ZNF100: variants seen among roughly 807,000 people sequenced by gnomAD.
ZNF100 encodes the protein zinc finger protein 100.
In ZNF100, 12 loss-of-function variants were observed where a neutral mutation model predicts 15.8. The observed-to-expected ratio is 0.76, with a 90% CI of 0.49 to 1.23. The LOEUF (loss-of-function observed/expected upper bound fraction) is 1.23. ZNF100 is among the 50% of genes most tolerant of loss of function. The pLI is 0.00. For missense variants in ZNF100, 670 were observed against 635.6 expected, an observed-to-expected ratio of 1.05 and a Z score of -0.58; for synonymous variants, 226 against 214.8, an observed-to-expected ratio of 1.05 and a Z score of -0.45.
At chr19:21,749,481 T>C (rs1402663382) in intron 2 of ZNF100, among the ~76,000 whole-genome samples, 1 of 152,228 alleles carries the variant, frequency 6.6e-6, no homozygotes, top group African/African-American at 2.4e-5. Flanking sequence ...GAGAGATTCA[T>C]GCTGATTCTA....
chr19:21,763,299 GA>G (rs71178765), intron 2 of ZNF100, among the ~76,000 whole-genome samples: 3 of 151,622 alleles, frequency 2.0e-5, no homozygotes, highest in African/African-American at 7.3e-5. Flanking sequence ...TTTTTCTCAT[GA>G]AAAAAAATTG....
chr19:21,727,717 G>A lies in ZNF100; in HGVS notation c.595C>T (p.His199Tyr). The change falls in exon 5 of 5, where the codon CAT becomes TAT. Residue 199 changes from histidine (H) to tyrosine (Y), a missense_variant. By Grantham distance (83) the His-to-Tyr change is moderately conservative (BLOSUM62 2). Transcript: ENST00000358296. ...CATTTGAAAGGTTTCTTTCTAGTATGTCTTATCTTATGTCTGTTTGAATTT... is the reference window on the plus strand; with the variant it reads ...CATTTGAAAGGTTTCTTTCTAGTATATCTTATCTTATGTCTGTTTGAATTT... The part of the protein sequence containing the change: ...FSNSNRHKIR[H>Y]TRKKPFKCKK... The A allele has an allele frequency of 6.2e-7, 1 of 1,613,768 alleles. No individual in the cohort carries two copies. The highest frequency in any genetic ancestry group is 1.1e-5 in the South Asian group (1 of 91,044).
chr19:21,728,840 T>G (rs1390793066), intron 4 of ZNF100, among the ~76,000 whole-genome samples: 1 of 151,594 alleles, frequency 6.6e-6, no homozygotes, highest in South Asian at 2.1e-4. Flanking sequence ...TGAAAATAAA[T>G]TGAATAATAC....
chr19:21,742,648 A>C (rs1230847776), intron 4 of ZNF100, among the ~76,000 whole-genome samples: 1 of 152,110 alleles, frequency 6.6e-6, no homozygotes, highest in African/African-American at 2.4e-5. Context: ...TGAGTCAAAA[A>C]CATTTTTAAA....
chr19:21,746,445 G>A (rs982345234), intron 2 of ZNF100, among the ~76,000 whole-genome samples: 1 of 151,950 alleles, frequency 6.6e-6, no homozygotes, highest in African/African-American at 2.4e-5. Flanking sequence ...TAGAGCTAAT[G>A]GAGAACACAG....
chr19:21,728,157 CATCTGAAAAAAATT>C, intron 4 of ZNF100, among the ~76,000 whole-genome samples, 168 bp from the exon 5 acceptor site: 1 of 149,644 alleles, frequency 6.7e-6, no homozygotes, highest in Middle Eastern at 3.5e-3. Flanking sequence ...AACCAAATTA[CATCTGAAAAAAATT>C]ATAAATGAGT....
At position 21,727,155 on chromosome 19, in the gene ZNF100, G is replaced by A; in HGVS notation, c.1157C>T (p.Ser386Leu). 5 of 1,611,926 alleles carry A rather than the reference G, an allele frequency of 3.1e-6. No homozygotes were observed. In the African/African-American group the frequency reaches 6.7e-5, roughly 22 times the overall value. ...ACTTGTCTTATGTTTAGTAAGGTATGAGAATCGGTAAAAAGCTTTGCCACA... is the reference window on the plus strand; with the variant it reads ...ACTTGTCTTATGTTTAGTAAGGTATAAGAATCGGTAAAAAGCTTTGCCACA... ...EECGKAFYRFSYLTKHKTSHT... is the reference protein window; with the variant it reads ...EECGKAFYRFLYLTKHKTSHT... The change falls in exon 5 of 5, where the codon TCA (serine) becomes TTA (leucine). Residue 386 changes from serine (S) to leucine (L), a missense_variant. By Grantham distance (145) the Ser-to-Leu change is moderately radical. Coordinates refer to ENST00000358296, the MANE Select transcript of ZNF100 (RefSeq NM_173531.4).
chr19:21,735,500 CAAAAAAAAAAAAA>C (rs35742501), intron 4 of ZNF100, among the ~76,000 whole-genome samples: 1 of 82,224 alleles, frequency 1.2e-5, no homozygotes, highest in South Asian at 4.2e-4. Context: ...GACTCTGTCT[CAAAAAAAAAAAAA>C]AAAAAAAAGG....
At chr19:21,755,053 C>T (rs2145735590) in intron 2 of ZNF100, among the ~76,000 whole-genome samples, 1 of 152,330 alleles carries the variant, frequency 6.6e-6, no homozygotes, top group African/African-American at 2.4e-5. Context: ...GAGCTCACGC[C>T]TGTAATCCCA....
intron 4 of ZNF100, among the ~76,000 whole-genome samples, chr19:21,738,589 T>C (rs541073378): frequency 6.6e-6 from 1 of 152,086 alleles, no homozygotes; most frequent in Non-Finnish European, 1.5e-5. Context: ...AATAAATGGT[T>C]CTGGGAGAAC....
intron 2 of ZNF100, chr19:21,751,819 A>G: frequency 1.0e-6 from 1 of 1,002,910 alleles, no homozygotes; most frequent in Non-Finnish European, 1.5e-6. Context: ...CTATTTCTAG[A>G]TTATGTGAAG....
At chr19:21,758,867 A>T (rs1170426504) in intron 2 of ZNF100, among the ~76,000 whole-genome samples, 1 of 152,158 alleles carries the variant, frequency 6.6e-6, no homozygotes, top group African/African-American at 2.4e-5. Context: ...GAATCACACG[A>T]CAATGAAAGG....
At chr19:21,752,437 T>C (rs1401759051) in intron 2 of ZNF100, 1 of 152,664 alleles carries the variant, frequency 6.6e-6, no homozygotes, top group Non-Finnish European at 1.5e-5. Context: ...CTCCCTACTG[T>C]TACCATTAAA....
chr19:21,749,106 A>C (rs1279203490), intron 2 of ZNF100, among the ~76,000 whole-genome samples: 2 of 152,200 alleles, frequency 1.3e-5, no homozygotes, highest in East Asian at 3.9e-4. Flanking sequence ...TCTAGAGCAA[A>C]AGTTTCTGGA....
rs761719206 is a variant in ZNF100, at chr19:21,727,093, C to G, written c.1219G>C (p.Gly407Arg). ...GEKFYKCEEC[G>R]KGFNWSSALT... ...GCTGAGGACCAGTTAAAGCCTTTGC[C>G]GCATTCTTCACATTTGTAGAATTTC... The change falls in exon 5 of 5, where the codon GGC becomes CGC. Residue 407 changes from glycine to arginine, a missense_variant. Coordinates refer to ENST00000358296, the MANE Select transcript of ZNF100 (RefSeq NM_173531.4). 18 of 1,613,290 alleles carry G rather than the reference C, an allele frequency of 1.1e-5. No individual in the cohort carries two copies. The highest frequency in any genetic ancestry group is 4.0e-5 in the African/African-American group (3 of 74,680).
chr19:21,735,500 CAAAA>C (rs35742501), intron 4 of ZNF100, among the ~76,000 whole-genome samples: 66 of 82,184 alleles, frequency 8.0e-4, no homozygotes, highest in Middle Eastern at 0.014. Flanking sequence ...GACTCTGTCT[CAAAA>C]AAAAAAAAAA....
In ZNF100 at chr19:21,727,024, T is replaced by C; in HGVS notation, c.1288A>G (p.Lys430Glu). 1 of 1,613,956 alleles carries C rather than the reference T, an allele frequency of 6.2e-7. No homozygotes were observed. Among genetic ancestry groups the C allele is most frequent in the Non-Finnish European group, 8.5e-7 (1 of 1,179,932 alleles). ...KRIHTGEKPY[K>E]CEECGKAFNE... ...AAAGCTTTGCCACATTCTTCACATT[T>C]GTAGGGTTTCTCTCCAGTATGAATT... Residue 430 changes from lysine to glutamate, a missense_variant, in exon 5 of 5, where the codon AAA becomes GAA. Lys to Glu is a moderately conservative substitution (Grantham distance 56). Transcript: ENST00000358296.
intron 2 of ZNF100, among the ~76,000 whole-genome samples, chr19:21,745,684 G>C (rs1016247602): frequency 1.3e-5 from 2 of 151,840 alleles, no homozygotes; most frequent in African/African-American, 4.8e-5. Context: ...CACCGCGCCC[G>C]GCTAATTTTT....
intron 1 of ZNF100, among the ~76,000 whole-genome samples, chr19:21,766,648 A>G (rs1332588208): frequency 2.6e-5 from 4 of 152,174 alleles, no homozygotes; most frequent in African/African-American, 9.7e-5. Context: ...CCCATAGACA[A>G]CAAACTACAA....
Sources: gnomAD v4.1 joint callset for allele counts (sites outside exome capture counted in the v4.1 genomes callset) on GRCh38, gnomAD v4.1.1 for gene constraint, MANE v1.5 for transcripts, NCBI Gene and HGNC (gene_info 2026-07-23, HGNC 2026-07-21) for gene names.